MCM5: variants seen among roughly 807,000 people sequenced by gnomAD.
MCM5 encodes minichromosome maintenance complex component 5.
Under a neutral mutation model 79.9 loss-of-function variants are expected in MCM5, and 46 were observed. The observed-to-expected ratio is 0.58, with a 90% CI of 0.45 to 0.74. MCM5 has a LOEUF of 0.74. Ranked by LOEUF, MCM5 falls within the 30% of genes least tolerant of loss-of-function variation. MCM5 has a pLI of 0.00. For missense variants in MCM5, 883 were observed against 1,017.0 expected (o/e 0.87, Z 1.79); for synonymous variants, 404 against 390.5 (o/e 1.03, Z -0.41).
Position 35,403,432 on chromosome 22 carries a change from G to A in MCM5, c.313G>A (p.Glu105Lys). The A allele has an allele frequency of 6.2e-7, 1 of 1,614,204 alleles. No homozygotes were observed. Among genetic ancestry groups the A allele is most frequent in the Non-Finnish European group, 8.5e-7 (1 of 1,180,030 alleles). The change falls in exon 4 of 17, where the codon GAG becomes AAG. Residue 105 changes from glutamate to lysine, a missense_variant. By Grantham distance (56) the Glu-to-Lys change is moderately conservative. This residue lies in a region of MCM5 where 455 missense variants were observed against 517.5 expected (regional missense o/e 0.88). Coordinates refer to ENST00000216122, the MANE Select transcript of MCM5 (RefSeq NM_006739.4). ...TCTCCAGCTGGAGGAAGCTGCCAAG[G>A]AGGTAGCTGATGAGGTGACCCGGCC... is the stretch of plus-strand genomic sequence containing the variant. ...HLQLLEEAAK[E>K]VADEVTRPRP...
intron 2 of MCM5, chr22:35,401,512 C>T (rs1171686948): frequency 2.1e-6 from 1 of 467,156 alleles, no homozygotes; most frequent in Admixed American, 2.4e-5. Flanking sequence ...ATAGGCCCGG[C>T]CTCTATCCCT....
chr22:35,430,502 CT>C, the MCM5 span, among the ~76,000 whole-genome samples: 58,996 of 138,578 alleles, frequency 0.43, 14,539 homozygotes, highest in Non-Finnish European at 0.57. Context: ...CCAGTGGGGA[CT>C]TTTTTTTTTT....
chr22:35,418,230 C>T (rs369877658), intron 13 of MCM5, among the ~76,000 whole-genome samples: 5 of 152,102 alleles, frequency 3.3e-5, no homozygotes, highest in African/African-American at 1.2e-4. Flanking sequence ...CCAGGCCTAT[C>T]GATGTTTGCT....
intron 2 of MCM5, chr22:35,401,719 C>G: frequency 2.2e-6 from 1 of 464,764 alleles, no homozygotes; most frequent in South Asian, 1.5e-5. Context: ...GATGAAAAGA[C>G]GTGCTTCTTG....
At chr22:35,436,158 C>T in the MCM5 span, among the ~76,000 whole-genome samples, 2 of 98,876 alleles carry the variant, frequency 2.0e-5, no homozygotes, top group Non-Finnish European at 3.7e-5. Context: ...GAGCAAAACT[C>T]AGTCTCAAAA....
At chr22:35,451,119 A>C in the MCM5 span, among the ~76,000 whole-genome samples, 2 of 151,812 alleles carry the variant, frequency 1.3e-5, no homozygotes, top group Non-Finnish European at 2.9e-5. Context: ...TGCCCCATCC[A>C]TCCTCCCCTC....
the MCM5 span, among the ~76,000 whole-genome samples, chr22:35,454,954 T>A: frequency 6.6e-6 from 1 of 152,036 alleles, no homozygotes; most frequent in South Asian, 2.1e-4. Context: ...AGAGACAAAA[T>A]TGGCCCTGGT....
chr22:35,438,328 T>TATCCGTCC, the MCM5 span, among the ~76,000 whole-genome samples: 95 of 135,002 alleles, frequency 7.0e-4, no homozygotes, highest in African/African-American at 2.5e-3. Flanking sequence ...TCCGTCCATC[T>TATCCGTCC]ATCCATCCAT....
At position 35,410,727 on chromosome 22, in the gene MCM5, C is replaced by T. The variant is rs201894267; in HGVS notation, c.753-17C>T. 8 of 1,612,960 alleles carry T rather than the reference C, an allele frequency of 5.0e-6. No homozygotes were observed. In the East Asian group the frequency reaches 1.6e-4, roughly 31 times the overall value. ...AGAATCTCAGCTTTTCTCCTTTCTC[C>T]TCTACCCTCCTCTCAGGTACCTGTG... On this transcript the variant is annotated splice_polypyrimidine_tract_variant and intron_variant, in intron 6 of 16. Coordinates refer to ENST00000216122, the MANE Select transcript of MCM5 (RefSeq NM_006739.4).
At chr22:35,415,330 C>G (rs1932509861) in intron 9 of MCM5, among the ~76,000 whole-genome samples, 1 of 152,182 alleles carries the variant, frequency 6.6e-6, no homozygotes, top group African/African-American at 2.4e-5. Flanking sequence ...CTTAGGAGCT[C>G]TGAGTCTTTG....
chr22:35,453,817 T>TAG, the MCM5 span, among the ~76,000 whole-genome samples: 140 of 78,276 alleles, frequency 1.8e-3, 1 homozygote, highest in South Asian at 8.9e-3. Flanking sequence ...TATATATATA[T>TAG]ATAGAGAGAG....
the MCM5 span, among the ~76,000 whole-genome samples, chr22:35,440,108 T>C: frequency 1.3e-5 from 2 of 152,382 alleles, no homozygotes; most frequent in African/African-American, 2.4e-5. Flanking sequence ...TTGTAATCAA[T>C]TGTAGGCGGA....
the MCM5 span, among the ~76,000 whole-genome samples, chr22:35,438,631 C>CCACATATTCATCCATCCATCCACA: frequency 6.6e-6 from 1 of 150,478 alleles, no homozygotes; most frequent in South Asian, 2.1e-4. Flanking sequence ...ATCCATCCAC[C>CCACATATTCATCCATCCATCCACA]CACATATTCA....
At chr22:35,434,627 A>G in the MCM5 span, among the ~76,000 whole-genome samples, 1 of 152,334 alleles carries the variant, frequency 6.6e-6, no homozygotes, top group South Asian at 2.1e-4. Context: ...GGGCATTCCT[A>G]CCACAGCCTG....
chr22:35,407,265 G>C (rs1395178730), intron 5 of MCM5, among the ~76,000 whole-genome samples: 1 of 152,004 alleles, frequency 6.6e-6, no homozygotes, highest in Non-Finnish European at 1.5e-5. Flanking sequence ...CTCCTTCGCT[G>C]GTGCCTCCTC....
the MCM5 span, among the ~76,000 whole-genome samples, chr22:35,449,063 G>T: frequency 2.6e-5 from 4 of 152,184 alleles, no homozygotes; most frequent in African/African-American, 9.7e-5. Context: ...GCCACAGGAG[G>T]AAAGGGGGGT....
At chr22:35,414,878 A>T (rs1192844725) in intron 9 of MCM5, among the ~76,000 whole-genome samples, 1 of 152,110 alleles carries the variant, frequency 6.6e-6, no homozygotes, top group Admixed American at 6.6e-5. Flanking sequence ...GCGTTGTTGA[A>T]TGGGTCTGCG....
the MCM5 span, among the ~76,000 whole-genome samples, chr22:35,441,121 T>G: frequency 1.4e-5 from 2 of 143,456 alleles, no homozygotes; most frequent in African/African-American, 5.2e-5. Flanking sequence ...GCGTCCAAGG[T>G]GGGCCCTGCG....
chr22:35,431,316 G>T, the MCM5 span, among the ~76,000 whole-genome samples: 1 of 152,208 alleles, frequency 6.6e-6, no homozygotes, highest in African/African-American at 2.4e-5. Flanking sequence ...AGAAATGCAC[G>T]GAGCCGGGGT....
Sources: gnomAD v4.1 joint callset for allele counts (sites outside exome capture counted in the v4.1 genomes callset) on GRCh38, gnomAD v4.1.1 for gene constraint, gnomAD v4.1.1 regional missense constraint, MANE v1.5 for transcripts, NCBI Gene and HGNC (gene_info 2026-07-23, HGNC 2026-07-21) for gene names.